The following PCDHA9 variants were observed in gnomAD, a reference collection of about 807,000 sequenced individuals.
PCDHA9 encodes protocadherin alpha-9.
In PCDHA9, 62 loss-of-function variants were observed where a neutral mutation model predicts 62.0. The observed-to-expected ratio is 1.00, with a 90% CI of 0.81 to 1.23. The LOEUF is 1.23. Ranked by LOEUF, PCDHA9 falls within the 50% of genes most tolerant of loss-of-function variation. The pLI is 0.00. For missense variants in PCDHA9, 1,205 were observed against 1,249.8 expected (o/e 0.96, Z 0.54); for synonymous variants, 557 against 567.6 (o/e 0.98, Z 0.27).
chr5:140,876,875 A>G, intron 1 of PCDHA9: 1 of 1,613,762 alleles, frequency 6.2e-7, no homozygotes, highest in Admixed American at 1.7e-5. Flanking sequence ...AAGGAGAACA[A>G]CCCGCCGGGC....
chr5:140,933,314 G>C (rs925777839), intron 1 of PCDHA9, among the ~76,000 whole-genome samples: 1 of 151,914 alleles, frequency 6.6e-6, no homozygotes, highest in African/African-American at 2.4e-5. Context: ...ATGCAATCTC[G>C]TATTCTCCTG....
intron 3 of PCDHA9, among the ~76,000 whole-genome samples, chr5:140,993,514 A>T (rs1239398977): frequency 6.6e-6 from 1 of 150,498 alleles, no homozygotes; most frequent in East Asian, 1.9e-4. Flanking sequence ...ACACACGGGG[A>T]GAGAGAGACA....
intron 1 of PCDHA9, among the ~76,000 whole-genome samples, chr5:140,947,316 G>A (rs1325852826): frequency 2.6e-5 from 4 of 151,352 alleles, no homozygotes; most frequent in East Asian, 1.9e-4. Context: ...GTAAAAAGTC[G>A]GTTGACCATA....
At position 140,890,629 on chromosome 5, in the gene PCDHA9, A is replaced by T. The variant is rs6883083; in HGVS notation, c.2394+39740A>T. On this transcript the variant is annotated intron_variant, in intron 1 of 3. Transcript: ENST00000532602. ...TAGTGCTTACCCTAGAAAATTAAGCATGTATCCTTGATATATCAAAATCAA... is the reference window on the plus strand; with the variant it reads ...TAGTGCTTACCCTAGAAAATTAAGCTTGTATCCTTGATATATCAAAATCAA... Among the ~76,000 whole-genome samples, 1,394 of 152,274 alleles carry T rather than the reference A, an allele frequency of 9.2e-3. 17 individuals are homozygous for T. Among genetic ancestry groups the T allele is most frequent in the African/African-American group, 0.032 (1,348 of 41,546 alleles).
Position 141,010,368 on chromosome 5 carries a change from C to G in PCDHA9, c.*431C>G, listed in dbSNP as rs368481822. 3,124 of 1,471,046 alleles carry G rather than the reference C, an allele frequency of 2.1e-3. 5 individuals are homozygous for G. Among genetic ancestry groups the G allele is most frequent in the Middle Eastern group, 8.7e-3 (36 of 4,144 alleles). The allele number at this position is 1,471,046 out of a possible 1,614,324, so 91.1% of individuals were successfully genotyped here. A position where few individuals can be genotyped will look rare whatever the true frequency, so the allele number is the denominator to read the frequency against. On this transcript the variant is annotated 3_prime_UTR_variant, in exon 4 of 4. Coordinates refer to ENST00000532602, the MANE Select transcript of PCDHA9 (RefSeq NM_031857.2). ...GGTATGTGTGGCTACCGCGGGTATG[C>G]GAGTGCCAGATATTGGCTGAGACGA...
At chr5:140,855,753 G>C (rs1461376517) in intron 1 of PCDHA9, 1 of 333,040 alleles carries the variant, frequency 3.0e-6, no homozygotes, top group African/African-American at 2.1e-5. Flanking sequence ...GTGAGGCTTT[G>C]AAAGTCCATA....
In PCDHA9 at chr5:140,915,626, GTCTCTCTC is replaced by G. The variant is rs57920489; in HGVS notation, c.2395-63300_2395-63293del. ...ACTTTCTGTCAAACAGTCTCTTTCT[GTCTCTCTC>G]TCTCTCTCTCTCTCTCTCTCTCAAG... is the stretch of plus-strand genomic sequence containing the variant. On this transcript the variant is annotated intron_variant, in intron 1 of 3. Transcript: ENST00000532602. Among the ~76,000 whole-genome samples, 662 of 146,534 alleles carry G rather than the reference GTCTCTCTC, an allele frequency of 4.5e-3. 3 individuals are homozygous for G. The highest frequency in any genetic ancestry group is 0.016 in the African/African-American group (641 of 39,750).
chr5:140,879,479 G>A (rs992823540), intron 1 of PCDHA9, among the ~76,000 whole-genome samples: 10 of 152,196 alleles, frequency 6.6e-5, no homozygotes, highest in Non-Finnish European at 1.3e-4. Context: ...GTTGTGATTG[G>A]AAATATGGGT....
intron 1 of PCDHA9, chr5:140,881,999 A>C: frequency 2.1e-6 from 1 of 471,262 alleles, no homozygotes. Context: ...AGGAAATGCA[A>C]GGGGCAAAAA....
chr5:140,972,316 GT>G (rs112435719), intron 1 of PCDHA9, among the ~76,000 whole-genome samples: 1,932 of 139,568 alleles, frequency 0.014, 18 homozygotes, highest in African/African-American at 0.036. Context: ...GTTTTTAGGT[GT>G]TTTTTTTTTT....
chr5:140,934,912 T>C (rs534779508), intron 1 of PCDHA9, among the ~76,000 whole-genome samples: 1 of 152,318 alleles, frequency 6.6e-6, no homozygotes, highest in Admixed American at 6.5e-5. Context: ...GGAATAATTA[T>C]GGATTCACAT....
chr5:140,875,015 G>T (rs1479954206), intron 1 of PCDHA9, among the ~76,000 whole-genome samples: 3 of 152,170 alleles, frequency 2.0e-5, no homozygotes, highest in African/African-American at 7.2e-5. Flanking sequence ...TAAAGTGTAG[G>T]TTCTGGCCTA....
intron 3 of PCDHA9, among the ~76,000 whole-genome samples, chr5:140,996,427 G>A (rs1479947811): frequency 6.6e-6 from 1 of 152,176 alleles, no homozygotes; most frequent in Non-Finnish European, 1.5e-5. Context: ...GAAAACTTTG[G>A]GAATAGTCAG....
intron 1 of PCDHA9, among the ~76,000 whole-genome samples, chr5:140,950,382 A>G (rs1424724989): frequency 3.3e-5 from 5 of 151,950 alleles, no homozygotes; most frequent in African/African-American, 7.2e-5. Context: ...CTTCCATTTG[A>G]ATGATATAGA....
intron 1 of PCDHA9, among the ~76,000 whole-genome samples, chr5:140,895,301 C>T (rs2064953096): frequency 6.6e-6 from 1 of 152,000 alleles, no homozygotes; most frequent in Non-Finnish European, 1.5e-5. Flanking sequence ...TCGATTTCCC[C>T]CCTTCCACCC....
At chr5:140,946,210 G>C (rs140796631) in intron 1 of PCDHA9, among the ~76,000 whole-genome samples, 1 of 152,052 alleles carries the variant, frequency 6.6e-6, no homozygotes, top group African/African-American at 2.4e-5. Flanking sequence ...GCACACAAAT[G>C]ACCAACAGGT....
intron 2 of PCDHA9, among the ~76,000 whole-genome samples, 188 bp downstream of exon 2, chr5:140,979,195 T>C (rs1554240340): frequency 1.3e-5 from 2 of 152,232 alleles, no homozygotes; most frequent in African/African-American, 4.8e-5. Context: ...GCCAGATGCT[T>C]ATCAAGTGCT....
At chr5:140,919,858 T>C (rs1392372108) in intron 1 of PCDHA9, among the ~76,000 whole-genome samples, 1 of 152,246 alleles carries the variant, frequency 6.6e-6, no homozygotes, top group Non-Finnish European at 1.5e-5. Flanking sequence ...TGACCTCATT[T>C]GGAAATAAGT....
At chr5:140,982,041 A>C (rs1450726743) in intron 2 of PCDHA9, among the ~76,000 whole-genome samples, 2 of 152,268 alleles carry the variant, frequency 1.3e-5, no homozygotes, top group Non-Finnish European at 2.9e-5. Context: ...TCCAATTATC[A>C]GAAAATATTT....
Sources: gnomAD v4.1 joint callset for allele counts (sites outside exome capture counted in the v4.1 genomes callset) on GRCh38, gnomAD v4.1.1 for gene constraint, MANE v1.5 for transcripts, NCBI Gene and HGNC (gene_info 2026-07-23, HGNC 2026-07-21) for gene names.